The following PIP5K1A variants were observed in gnomAD, a reference collection of about 807,000 sequenced individuals.
PIP5K1A encodes the protein phosphatidylinositol-4-phosphate 5-kinase type 1 alpha.
A neutral mutation model predicts 72.9 loss-of-function variants in PIP5K1A; 46 were observed. The observed-to-expected ratio is 0.63, with a 90% CI of 0.50 to 0.81. The LOEUF (loss-of-function observed/expected upper bound fraction) is 0.81, where lower values mean the gene tolerates loss of function less well. PIP5K1A is among the 30% of genes least tolerant of loss of function. The probability of loss-of-function intolerance (pLI) is 0.00; values close to 1 mark genes in which losing one functional copy is unlikely to be tolerated. For synonymous variants in PIP5K1A, 228 were observed against 255.1 expected (o/e 0.89, Z 1.01); for missense variants, 458 against 706.1 (o/e 0.65, Z 3.98).
chr1:151,225,894 A>G (rs1689053681), intron 3 of PIP5K1A, among the ~76,000 whole-genome samples: 1 of 149,926 alleles, frequency 6.7e-6, no homozygotes, highest in Non-Finnish European at 1.5e-5. Flanking sequence ...CTCCCGCCTC[A>G]GCCTCCTGAG....
intron 9 of PIP5K1A, among the ~76,000 whole-genome samples, chr1:151,237,029 A>T (rs377178356): frequency 5.9e-5 from 9 of 151,872 alleles, no homozygotes; most frequent in African/African-American, 2.2e-4. Context: ...GGGTTTCATC[A>T]TGTTGGGCAA....
chr1:151,209,335 A>G (rs587761596), intron 1 of PIP5K1A, among the ~76,000 whole-genome samples: 5 of 151,568 alleles, frequency 3.3e-5, no homozygotes, highest in Admixed American at 3.3e-4. Flanking sequence ...GTGCAGTGGC[A>G]CGATGCCATC....
intron 4 of PIP5K1A, among the ~76,000 whole-genome samples, chr1:151,230,730 C>T (rs587742072): frequency 6.6e-6 from 1 of 152,120 alleles, no homozygotes; most frequent in African/African-American, 2.4e-5. Flanking sequence ...TTAGTAGAGA[C>T]GGTTTCACCA....
In PIP5K1A at chr1:151,236,821, C is replaced by CTTTTT. The variant is rs369523470; in HGVS notation, c.1145+76_1145+80dup. The stretch of plus-strand genomic sequence containing the variant: ...CATAGGCCCACAGCACTTTTCTTTT[C>CTTTTT]TTTTTTTTTTTTTTTTTTTTTTAGT... On this transcript the variant is annotated intron_variant, in intron 9 of 15. Coordinates refer to ENST00000368888, the MANE Select transcript of PIP5K1A (RefSeq NM_001135638.2). The CTTTTT allele has an allele frequency of 1.3e-3, 623 of 498,084 alleles. 1 individual carries two copies. Among genetic ancestry groups the CTTTTT allele is most frequent in the African/African-American group, 2.0e-3 (73 of 36,304 alleles). The allele number at this position is 498,084 out of a possible 1,614,324, so 30.9% of individuals were successfully genotyped here. A position where few individuals can be genotyped will look rare whatever the true frequency, so the allele number is the denominator to read the frequency against.
intron 1 of PIP5K1A, among the ~76,000 whole-genome samples, chr1:151,220,114 T>C (rs965279522): frequency 6.6e-6 from 1 of 151,986 alleles, no homozygotes; most frequent in Non-Finnish European, 1.5e-5. Context: ...CAAGAGATTC[T>C]CCTGCCTCAG....
chr1:151,232,631 T>C lies in PIP5K1A; in HGVS notation c.567T>C (p.Asp189=), dbSNP rs143815300. 1.3e-4 allele frequency: 208 copies of C among 1,612,990 alleles called. No homozygotes were observed. The East Asian group carries it at 4.4e-3, about 34-fold the overall frequency. The change falls in exon 7 of 16, where the codon GAT becomes GAC. Residue 189 remains aspartate, a synonymous_variant. Coordinates refer to ENST00000368888, the MANE Select transcript of PIP5K1A (RefSeq NM_001135638.2). Reference sequence around the variant, plus strand: ...CCCTATTCTATGTGTCCAGCGACGATGAGTTCATTATTAAGACAGTCCAAC... The same window carrying C: ...CCCTATTCTATGTGTCCAGCGACGACGAGTTCATTATTAAGACAGTCCAAC... ...SGSLFYVSSD[D]EFIIKTVQHK...
chr1:151,224,958 G>A (rs1474298809), intron 3 of PIP5K1A, among the ~76,000 whole-genome samples: 1 of 152,072 alleles, frequency 6.6e-6, no homozygotes, highest in Non-Finnish European at 1.5e-5. Context: ...ACATCTTCCA[G>A]CATCTGTCAG....
chr1:151,198,956 T>C lies in PIP5K1A; in HGVS notation c.-41T>C. Reference sequence around the variant, plus strand: ...ATTCCGAGAAGAGGAAGAACCGGATTGAAAGAGAGCCAGGCCGCTGAGGGG... The same window carrying C: ...ATTCCGAGAAGAGGAAGAACCGGATCGAAAGAGAGCCAGGCCGCTGAGGGG... On this transcript the variant is annotated 5_prime_UTR_variant, in exon 1 of 16. Coordinates refer to ENST00000368888, the MANE Select transcript of PIP5K1A (RefSeq NM_001135638.2). The C allele has an allele frequency of 1.3e-6, 2 of 1,578,588 alleles. No homozygotes were observed. The highest frequency in any genetic ancestry group is 1.7e-6 in the Non-Finnish European group (2 of 1,148,456).
chr1:151,224,897 GGCCTCAGAAT>G (rs1688884605), intron 3 of PIP5K1A, among the ~76,000 whole-genome samples: 1 of 152,162 alleles, frequency 6.6e-6, no homozygotes, highest in East Asian at 1.9e-4. Flanking sequence ...TTGTGAAAGG[GGCCTCAGAAT>G]GCAGGCCCTT....
intron 6 of PIP5K1A, 81 bp from the exon 7 acceptor site, chr1:151,232,467 AAAG>A: frequency 6.6e-7 from 1 of 1,518,118 alleles, no homozygotes; most frequent in Admixed American, 1.7e-5. Context: ...TTTATTTAGA[AAAG>A]AATTGCATCT....
At chr1:151,237,358 A>T (rs1322469606) in intron 9 of PIP5K1A, among the ~76,000 whole-genome samples, 39 of 152,212 alleles carry the variant, frequency 2.6e-4, no homozygotes, top group Admixed American at 2.5e-3. Context: ...ATGTCTGCAA[A>T]TTATATTAGA....
chr1:151,224,071 G>A (rs1263990903), intron 1 of PIP5K1A, 174 bp from the exon 2 acceptor site: 1 of 643,780 alleles, frequency 1.6e-6, no homozygotes, highest in Non-Finnish European at 2.8e-6. Context: ...TGTGAGTATG[G>A]AGAAGGAGAG....
chr1:151,242,632 A>G (rs185091274), intron 14 of PIP5K1A, 65 bp downstream of exon 14: 43 of 1,349,092 alleles, frequency 3.2e-5, no homozygotes, highest in Non-Finnish European at 6.3e-6. Flanking sequence ...GGAAACCTCT[A>G]TAATTTGATT....
intron 1 of PIP5K1A, among the ~76,000 whole-genome samples, chr1:151,218,396 C>T (rs962730132): frequency 2.6e-5 from 4 of 152,070 alleles, no homozygotes; most frequent in African/African-American, 9.7e-5. Context: ...TTCCTTGTCT[C>T]AAGGAAAAAG....
intron 1 of PIP5K1A, among the ~76,000 whole-genome samples, chr1:151,217,957 A>G (rs1390545331): frequency 5.9e-5 from 9 of 151,706 alleles, no homozygotes; most frequent in Admixed American, 6.6e-5. Flanking sequence ...TTTTGTATTT[A>G]TAGAGATGAG....
intron 1 of PIP5K1A, chr1:151,223,981 A>C (rs1688759009): frequency 3.7e-6 from 2 of 536,892 alleles, no homozygotes; most frequent in Non-Finnish European, 6.6e-6. Context: ...AAAAAAGAAA[A>C]AGTTATATTT....
intron 14 of PIP5K1A, 122 bp from the exon 15 acceptor site, chr1:151,246,798 C>G: frequency 1.5e-6 from 1 of 681,174 alleles, no homozygotes; most frequent in Non-Finnish European, 2.5e-6. Context: ...CCTCTTCTTT[C>G]CAAATTCTAA....
chr1:151,211,154 C>G (rs1166615582), intron 1 of PIP5K1A, among the ~76,000 whole-genome samples: 1 of 152,140 alleles, frequency 6.6e-6, no homozygotes, highest in East Asian at 1.9e-4. Flanking sequence ...CTATTAAGGC[C>G]AACTCTGTTT....
intron 4 of PIP5K1A, among the ~76,000 whole-genome samples, chr1:151,230,207 A>G (rs1057480962): frequency 4.6e-5 from 7 of 152,250 alleles, no homozygotes; most frequent in Non-Finnish European, 7.3e-5. Flanking sequence ...ATCTAATCAA[A>G]GTTTCTGCAG....
Sources: gnomAD v4.1 joint callset for allele counts (sites outside exome capture counted in the v4.1 genomes callset) on GRCh38, gnomAD v4.1.1 for gene constraint, MANE v1.5 for transcripts, NCBI Gene and HGNC (gene_info 2026-07-23, HGNC 2026-07-21) for gene names.